The following MICOS10 variants were observed in gnomAD, a reference collection of about 807,000 sequenced individuals.
MICOS10 encodes MICOS complex subunit MIC10.
In MICOS10, 5 loss-of-function variants were observed where a neutral mutation model predicts 13.4. That is an observed-to-expected ratio of 0.37 (90% confidence interval 0.20 to 0.78). The LOEUF is 0.78. Ranked by LOEUF, MICOS10 falls within the 30% of genes least tolerant of loss-of-function variation. The pLI is 0.47. For missense variants in MICOS10, 101 were observed against 94.6 expected, an observed-to-expected ratio of 1.07 and a Z score of -0.28; for synonymous variants, 35 against 33.6, an observed-to-expected ratio of 1.04 and a Z score of -0.15.
intron 1 of MICOS10, among the ~76,000 whole-genome samples, chr1:19,603,351 C>T (rs1017614645): frequency 1.3e-5 from 2 of 152,126 alleles, no homozygotes; most frequent in African/African-American, 4.8e-5. Context: ...AACAAACAAA[C>T]AGAAGCAGAA....
intron 1 of MICOS10, among the ~76,000 whole-genome samples, chr1:19,618,566 T>G (rs1440455990): frequency 6.6e-6 from 1 of 152,200 alleles, no homozygotes; most frequent in African/African-American, 2.4e-5. Context: ...TAAGGTTGTT[T>G]TCACTCTACA....
At position 19,622,085 on chromosome 1, in the gene MICOS10, TCTCC is replaced by T; in HGVS notation, c.65-11_65-8del. The T allele has an allele frequency of 1.9e-6, 3 of 1,602,358 alleles. No homozygotes were observed. Among genetic ancestry groups the T allele is most frequent in the Non-Finnish European group, 2.6e-6 (3 of 1,170,464 alleles). ...CTGCTATGAGATTTAGCATGTTTTT[TCTCC>T]CTCTTTGTAGGTACTGGTTTTGGAT... is the stretch of plus-strand genomic sequence containing the variant. On this transcript the variant is annotated splice_polypyrimidine_tract_variant and intron_variant, in intron 1 of 3. Coordinates refer to ENST00000322753, the MANE Select transcript of MICOS10 (RefSeq NM_001032363.4).
rs893842304 is a variant in MICOS10 at position 19,629,424 on chromosome 1, A to G, written c.*3023A>G. On this transcript the variant is annotated 3_prime_UTR_variant, in exon 4 of 4. Coordinates refer to ENST00000322753, the MANE Select transcript of MICOS10 (RefSeq NM_001032363.4). ...TATAATTTGGCCCAGAACAATATGTATTTTGAGCTCATTTAGGTGAATGAC... is the reference window on the plus strand; with the variant it reads ...TATAATTTGGCCCAGAACAATATGTGTTTTGAGCTCATTTAGGTGAATGAC... 2.0e-5 allele frequency: 3 copies of G among 152,224 alleles called. No individual in the cohort carries two copies. The highest frequency in any genetic ancestry group is 7.2e-5 in the African/African-American group (3 of 41,470). The allele number at this position is 152,224 out of a possible 1,614,324, so 9.4% of individuals were successfully genotyped here. A position where few individuals can be genotyped will look rare whatever the true frequency, so the allele number is the denominator to read the frequency against.
At chr1:19,608,581 A>C (rs1296984489) in intron 1 of MICOS10, 1 of 812,556 alleles carries the variant, frequency 1.2e-6, no homozygotes, top group Non-Finnish European at 2.1e-6. Flanking sequence ...AAGATTCCTC[A>C]AAATATTTTC....
At chr1:19,601,666 T>G (rs1246499298) in intron 1 of MICOS10, among the ~76,000 whole-genome samples, 1 of 151,890 alleles carries the variant, frequency 6.6e-6, no homozygotes, top group African/African-American at 2.4e-5. Context: ...TCTATTTATT[T>G]TGTATCAAAT....
At chr1:19,608,518 C>T (rs1570477250) in intron 1 of MICOS10, 2 of 1,073,228 alleles carry the variant, frequency 1.9e-6, no homozygotes, top group Non-Finnish European at 2.9e-6. Flanking sequence ...TCACCCCCAT[C>T]CCCTCTGACA....
At chr1:19,622,046 T>A (rs1034508725) in intron 1 of MICOS10, 54 bp from the exon 2 acceptor site, 11 of 1,332,882 alleles carry the variant, frequency 8.3e-6, no homozygotes, top group African/African-American at 2.9e-5. Context: ...GTTAATGTTA[T>A]CTTTGTGAAG....
intron 1 of MICOS10, among the ~76,000 whole-genome samples, chr1:19,600,575 T>G (rs764432220): frequency 1.3e-4 from 20 of 152,276 alleles, no homozygotes; most frequent in Admixed American, 1.3e-3. Flanking sequence ...AATGCAGGCT[T>G]TCAGCTCCAT....
At chr1:19,606,076 G>T (rs1486070289) in intron 1 of MICOS10, among the ~76,000 whole-genome samples, 1 of 152,186 alleles carries the variant, frequency 6.6e-6, no homozygotes, top group Non-Finnish European at 1.5e-5. Context: ...AGCTAGCTTA[G>T]TATATTATTG....
chr1:19,599,040 G>T (rs1326388421), intron 1 of MICOS10, among the ~76,000 whole-genome samples: 3 of 151,882 alleles, frequency 2.0e-5, no homozygotes, highest in African/African-American at 4.8e-5. Context: ...ATGAGCCAAT[G>T]CGCCACACTC....
chr1:19,615,111 T>C (rs1254467568), intron 1 of MICOS10, among the ~76,000 whole-genome samples: 1 of 152,212 alleles, frequency 6.6e-6, no homozygotes, highest in Non-Finnish European at 1.5e-5. Context: ...AGGTTCTGCT[T>C]TTGGACAGTT....
In MICOS10 at chr1:19,608,540, A is replaced by T. The variant is rs751669854; in HGVS notation, c.64+11431A>T. On this transcript the variant is annotated intron_variant, in intron 1 of 3. Transcript: ENST00000322753. ...CATCCCCTCTGACAGCACTCTCAGG[A>T]AGGGGGTCACCGTGGTCGCCGTCTG... 65 of 981,550 alleles carry T rather than the reference A, an allele frequency of 6.6e-5. No individual in the cohort carries two copies. In the African/African-American group the frequency reaches 8.7e-4, roughly 13 times the overall value. The allele number at this position is 981,550 out of a possible 1,614,324, so 60.8% of individuals were successfully genotyped here.
At chr1:19,597,222 T>C in intron 1 of MICOS10, 113 bp downstream of exon 1, 1 of 1,188,794 alleles carries the variant, frequency 8.4e-7, no homozygotes, top group Non-Finnish European at 1.2e-6. Flanking sequence ...CTCTCGGCCT[T>C]TTCCGGCCCC....
chr1:19,625,822 G>A (rs936205750), intron 3 of MICOS10, among the ~76,000 whole-genome samples: 5 of 151,988 alleles, frequency 3.3e-5, no homozygotes, highest in African/African-American at 4.8e-5. Context: ...TCTGTGCCTC[G>A]ATGTTGTCAT....
intron 1 of MICOS10, chr1:19,608,140 G>A (rs115692978): frequency 0.049 from 57,878 of 1,179,568 alleles, 1,648 homozygotes; most frequent in Non-Finnish European, 0.061. Context: ...GGAAGGAAAA[G>A]AAGGAAGAAC....
chr1:19,597,419 G>C (rs1203615650), intron 1 of MICOS10, among the ~76,000 whole-genome samples: 1 of 152,122 alleles, frequency 6.6e-6, no homozygotes, highest in Non-Finnish European at 1.5e-5. Context: ...GCACACCCTC[G>C]TGCCGGAGCC....
At chr1:19,599,045 A>G (rs1191783594) in intron 1 of MICOS10, among the ~76,000 whole-genome samples, 1 of 151,488 alleles carries the variant, frequency 6.6e-6, no homozygotes, top group Non-Finnish European at 1.5e-5. Context: ...CCAATGCGCC[A>G]CACTCATAGT....
chr1:19,598,036 C>T (rs1558334874), intron 1 of MICOS10: 1 of 152,156 alleles, frequency 6.6e-6, no homozygotes, highest in African/African-American at 2.4e-5. Context: ...TGAATGAAAA[C>T]ATTGAGGAAT....
At chr1:19,611,565 C>T (rs545727179) in intron 1 of MICOS10, among the ~76,000 whole-genome samples, 1 of 148,840 alleles carries the variant, frequency 6.7e-6, no homozygotes, top group African/African-American at 2.5e-5. Context: ...CCTTGACCTC[C>T]TGGACTCCAG....
Sources: gnomAD v4.1 joint callset for allele counts (sites outside exome capture counted in the v4.1 genomes callset) on GRCh38, gnomAD v4.1.1 for gene constraint, MANE v1.5 for transcripts, NCBI Gene and HGNC (gene_info 2026-07-23, HGNC 2026-07-21) for gene names.